Variants in FAM167A observed in about 807,000 individuals in gnomAD.
FAM167A encodes the protein protein FAM167A.
Under a neutral mutation model 14.9 loss-of-function variants are expected in FAM167A, and 23 were observed. The observed-to-expected ratio is 1.55, with a 90% CI of 1.11 to 2.19. The LOEUF is 2.19. Ranked by LOEUF, FAM167A falls within the 30% of genes most tolerant of loss-of-function variation. The pLI is 0.00. For missense variants in FAM167A, 401 were observed against 281.5 expected (o/e 1.42, Z -3.04); for synonymous variants, 174 against 117.7 (o/e 1.48, Z -3.10).
rs756364727 is a variant in FAM167A, at chr8:11,444,163, G to A, written c.249C>T (p.Leu83=). Residue 83 remains leucine, a synonymous_variant, in exon 2 of 3, where the codon CTC becomes CTT. Transcript: ENST00000284486. The part of the protein sequence containing the change: ...EGERGGQEPL[L]PLREAGQHPP... ...GGTGCTGCCCAGCCTCTCTCAGGGGGAGCAAGGGCTCCTGCCCCCCACGCT... is the reference window on the plus strand; with the variant it reads ...GGTGCTGCCCAGCCTCTCTCAGGGGAAGCAAGGGCTCCTGCCCCCCACGCT... The A allele has an allele frequency of 2.5e-6, 4 of 1,613,060 alleles. No individual in the cohort carries two copies. The highest frequency in any genetic ancestry group is 2.7e-5 in the African/African-American group (2 of 75,060).
intron 2 of FAM167A, among the ~76,000 whole-genome samples, chr8:11,431,882 G>A (rs1263997708): frequency 9.3e-6 from 1 of 107,894 alleles, no homozygotes; most frequent in Non-Finnish European, 1.8e-5. Context: ...GGAGGGTACT[G>A]GACCAATTGG....
At chr8:11,445,751 T>C (rs1215168132) in intron 1 of FAM167A, among the ~76,000 whole-genome samples, 1 of 151,982 alleles carries the variant, frequency 6.6e-6, no homozygotes, top group Admixed American at 6.6e-5. Context: ...GCAGTGGACA[T>C]GGGTGAATCA....
chr8:11,471,862 C>A (rs570814171), upstream of FAM167A, among the ~76,000 whole-genome samples: 9 of 152,208 alleles, frequency 5.9e-5, no homozygotes, highest in South Asian at 1.9e-3. Flanking sequence ...ATGAAGGCTG[C>A]GCTCTCAGGC....
intron 1 of FAM167A, among the ~76,000 whole-genome samples, chr8:11,449,398 C>T (rs952159328): frequency 6.6e-6 from 1 of 152,342 alleles, no homozygotes; most frequent in African/African-American, 2.4e-5. Context: ...CACTGGGCAG[C>T]TTCCTGGGCT....
intron 2 of FAM167A, among the ~76,000 whole-genome samples, chr8:11,439,368 T>G (rs1825187854): frequency 6.6e-6 from 1 of 152,232 alleles, no homozygotes; most frequent in African/African-American, 2.4e-5. Context: ...CACACATGGA[T>G]GACACCTGCC....
chr8:11,423,706 G>C lies in FAM167A; in HGVS notation c.*667C>G, dbSNP rs551609103. 7.2e-5 allele frequency: 11 copies of C among 152,784 alleles called. No individual in the cohort carries two copies. Among genetic ancestry groups the C allele is most frequent in the African/African-American group, 2.6e-4 (11 of 41,558 alleles). The allele number at this position is 152,784 out of a possible 1,614,324, so 9.5% of individuals were successfully genotyped here. The stretch of plus-strand genomic sequence containing the variant: ...TCTGTGCTTGTTGCACCCAAGCTAC[G>C]CTAGTGCCCCCATCACATGTCCCAG... On this transcript the variant is annotated 3_prime_UTR_variant, in exon 3 of 3. Transcript: ENST00000284486.
At chr8:11,447,085 G>A (rs1446413353) in intron 1 of FAM167A, among the ~76,000 whole-genome samples, 1 of 152,236 alleles carries the variant, frequency 6.6e-6, no homozygotes, top group Non-Finnish European at 1.5e-5. Flanking sequence ...ATCCCACTGG[G>A]CTACCACTGC....
intron 2 of FAM167A, chr8:11,435,214 C>G: frequency 2.3e-6 from 1 of 435,278 alleles, no homozygotes; most frequent in Non-Finnish European, 4.7e-6. Flanking sequence ...CCTGTGGTCC[C>G]TTCTCCACCT....
At chr8:11,445,317 C>G in intron 1 of FAM167A, 5 of 986,046 alleles carry the variant, frequency 5.1e-6, no homozygotes, top group Non-Finnish European at 6.0e-6. Flanking sequence ...CCACTGCCCC[C>G]TCACCACCTC....
At chr8:11,436,736 C>G (rs28606038) in intron 2 of FAM167A, among the ~76,000 whole-genome samples, 21,698 of 152,242 alleles carry the variant, frequency 0.14, 1,989 homozygotes, top group African/African-American at 0.26. Flanking sequence ...CCTCAGAAGA[C>G]CCCTGGGGCA....
intron 1 of FAM167A, among the ~76,000 whole-genome samples, chr8:11,457,882 G>T (rs1393983971): frequency 6.6e-6 from 1 of 152,148 alleles, no homozygotes. Flanking sequence ...GCATGACCTT[G>T]AACTGTGGGA....
intron 2 of FAM167A, among the ~76,000 whole-genome samples, chr8:11,425,387 A>C (rs1805065048): frequency 6.6e-6 from 1 of 152,184 alleles, no homozygotes; most frequent in Non-Finnish European, 1.5e-5. Flanking sequence ...AGGAAGCCGG[A>C]CAGCTGGACT....
At chr8:11,434,357 G>A (rs1805844587) in intron 2 of FAM167A, among the ~76,000 whole-genome samples, 1 of 152,158 alleles carries the variant, frequency 6.6e-6, no homozygotes, top group African/African-American at 2.4e-5. Flanking sequence ...GTGGATGGGA[G>A]GGGGGCAGGT....
rs1804896652 is a variant in FAM167A, at chr8:11,423,382, C to T, written c.*991G>A. On this transcript the variant is annotated 3_prime_UTR_variant, in exon 3 of 3. Coordinates refer to ENST00000284486, the MANE Select transcript of FAM167A (RefSeq NM_053279.3). Reference sequence around the variant, plus strand: ...ATCAGTTACTAACAAGTGAACAACACATCAGTAACAGTCTTATTAAAACTA... The same window carrying T: ...ATCAGTTACTAACAAGTGAACAACATATCAGTAACAGTCTTATTAAAACTA... 6.6e-6 allele frequency: 1 copy of T among 152,614 alleles called. No individual in the cohort carries two copies. The highest frequency in any genetic ancestry group is 2.4e-5 in the African/African-American group (1 of 41,436). 9.5% of individuals were successfully genotyped at this position (152,614 alleles called of 1,614,324 possible). A position where few individuals can be genotyped will look rare whatever the true frequency, so the allele number is the denominator to read the frequency against.
At chr8:11,475,258 T>C (rs963330769) in intron 1 of FAM167A, among the ~76,000 whole-genome samples, 2 of 152,198 alleles carry the variant, frequency 1.3e-5, no homozygotes, top group Non-Finnish European at 1.5e-5. Context: ...TCAGTTTTCC[T>C]ACTCGGTTTC....
upstream of FAM167A, among the ~76,000 whole-genome samples, chr8:11,471,727 G>C (rs754542021): frequency 1.3e-5 from 2 of 152,228 alleles, no homozygotes; most frequent in Non-Finnish European, 2.9e-5. Flanking sequence ...GATGGCCGGG[G>C]GTCAGGGGTT....
Position 11,457,965 on chromosome 8 carries a change from C to T in FAM167A, c.-398+8661G>A, listed in dbSNP as rs564287859. Among the ~76,000 whole-genome samples the T allele has an allele frequency of 2.7e-4, 41 of 152,268 alleles. 1 individual carries two copies. In the East Asian group the frequency reaches 2.9e-3, roughly 11 times the overall value. On this transcript the variant is annotated intron_variant, in intron 1 of 2. Coordinates refer to ENST00000284486, the MANE Select transcript of FAM167A (RefSeq NM_053279.3). Reference sequence around the variant, plus strand: ...GGACACTGCTGCACCTTTTGTGTCCCGAGCACAGGGCCCTGTAAACAGCAG... The same window carrying T: ...GGACACTGCTGCACCTTTTGTGTCCTGAGCACAGGGCCCTGTAAACAGCAG...
chr8:11,473,252 A>G (rs1211204507), intron 1 of FAM167A, among the ~76,000 whole-genome samples: 1 of 152,184 alleles, frequency 6.6e-6, no homozygotes, highest in Admixed American at 6.5e-5. Context: ...TTGAGAAACC[A>G]AGGTGCAGAG....
upstream of FAM167A, among the ~76,000 whole-genome samples, chr8:11,470,166 G>T (rs1424085054): frequency 6.6e-6 from 1 of 152,220 alleles, no homozygotes; most frequent in Middle Eastern, 3.2e-3. Context: ...TAGAAAAACA[G>T]AATTGTAGAC....
Sources: gnomAD v4.1 joint callset for allele counts (sites outside exome capture counted in the v4.1 genomes callset) on GRCh38, gnomAD v4.1.1 for gene constraint, MANE v1.5 for transcripts, NCBI Gene and HGNC (gene_info 2026-07-23, HGNC 2026-07-21) for gene names.